LCP2: variants seen among roughly 807,000 people sequenced by gnomAD.
LCP2 encodes the protein lymphocyte cytosolic protein 2.
Under a neutral mutation model 74.5 loss-of-function variants are expected in LCP2, and 29 were observed. The observed-to-expected ratio is 0.39, with a 90% CI of 0.29 to 0.53. LCP2 has a LOEUF of 0.53. Ranked by LOEUF, LCP2 falls within the 20% of genes least tolerant of loss-of-function variation. LCP2 has a pLI of 0.72. For synonymous variants in LCP2, 228 were observed against 229.5 expected, an observed-to-expected ratio of 0.99 and a Z score of 0.06; for missense variants, 604 against 634.6, an observed-to-expected ratio of 0.95 and a Z score of 0.52.
At chr5:170,289,671 T>TTCTTTCTTTCTTTCTC (rs1554141414) in intron 2 of LCP2, among the ~76,000 whole-genome samples, 2 of 84,132 alleles carry the variant, frequency 2.4e-5, no homozygotes, top group Non-Finnish European at 5.2e-5. Context: ...CTTTCTTTCT[T>TTCTTTCTTTCTTTCTC]TCTCTCTCTC....
intron 14 of LCP2, among the ~76,000 whole-genome samples, chr5:170,259,411 G>A (rs978864445): frequency 2.6e-5 from 4 of 152,038 alleles, no homozygotes; most frequent in East Asian, 1.9e-4. Context: ...ATATTTATAC[G>A]GTGGCTTACA....
chr5:170,289,685 CTTTCTTTCTTTCTTTCCT>C (rs1561978476), intron 2 of LCP2, among the ~76,000 whole-genome samples: 22 of 128,796 alleles, frequency 1.7e-4, no homozygotes, highest in African/African-American at 3.8e-4. Context: ...CTCTCTCTCT[CTTTCTTTCTTTCTTTCCT>C]TCTTTCTTTC....
intron 3 of LCP2, among the ~76,000 whole-genome samples, chr5:170,278,581 A>T (rs1288875225): frequency 6.6e-6 from 1 of 151,728 alleles, no homozygotes; most frequent in African/African-American, 2.4e-5. Context: ...TGAAGAGGTG[A>T]CATTTCAGTA....
intron 2 of LCP2, among the ~76,000 whole-genome samples, chr5:170,291,034 A>G (rs1175101594): frequency 2.0e-5 from 3 of 148,124 alleles, no homozygotes; most frequent in African/African-American, 5.1e-5. Context: ...GAGAGAAAGA[A>G]AGAGAGATGG....
intron 3 of LCP2, among the ~76,000 whole-genome samples, chr5:170,283,500 C>T (rs1422526606): frequency 6.6e-6 from 1 of 152,208 alleles, no homozygotes; most frequent in Non-Finnish European, 1.5e-5. Context: ...GGGGAGGCTC[C>T]TAGCTCACTG....
chr5:170,268,921 A>ACACATGCATATATAT (rs1761836419), intron 7 of LCP2, among the ~76,000 whole-genome samples: 1 of 152,062 alleles, frequency 6.6e-6, no homozygotes, highest in Non-Finnish European at 1.5e-5. Flanking sequence ...CTGCATACAC[A>ACACATGCATATATAT]GAGACACGAG....
chr5:170,280,986 A>G (rs1369576645), intron 3 of LCP2, among the ~76,000 whole-genome samples: 2 of 152,198 alleles, frequency 1.3e-5, no homozygotes, highest in Non-Finnish European at 2.9e-5. Context: ...TCTGGGCAAC[A>G]AGAGTGAAAC....
intron 3 of LCP2, among the ~76,000 whole-genome samples, chr5:170,276,950 C>T (rs1167332083): frequency 6.6e-6 from 1 of 151,746 alleles, no homozygotes; most frequent in Non-Finnish European, 1.5e-5. Flanking sequence ...GTGGCACGTG[C>T]CTGTGGTCCC....
chr5:170,288,162 C>T, intron 2 of LCP2, 146 bp from the exon 3 acceptor site: 1 of 749,980 alleles, frequency 1.3e-6, no homozygotes, highest in South Asian at 1.6e-5. Flanking sequence ...CCCACCCTCC[C>T]CAAGTAGGCA....
chr5:170,250,461 A>AT (rs565558369), intron 20 of LCP2, among the ~76,000 whole-genome samples: 1 of 152,206 alleles, frequency 6.6e-6, no homozygotes, highest in Non-Finnish European at 1.5e-5. Flanking sequence ...ATCTAAATAG[A>AT]TTTTTTTAAG....
intron 3 of LCP2, among the ~76,000 whole-genome samples, chr5:170,285,028 G>A (rs1762161374): frequency 6.6e-6 from 1 of 152,190 alleles, no homozygotes; most frequent in Non-Finnish European, 1.5e-5. Flanking sequence ...TGGGATTACA[G>A]GCGTGAGCCA....
At chr5:170,284,768 T>G (rs976978840) in intron 3 of LCP2, among the ~76,000 whole-genome samples, 1 of 147,514 alleles carries the variant, frequency 6.8e-6, no homozygotes, top group Admixed American at 6.7e-5. Flanking sequence ...TTTTTTTTTT[T>G]GAGATGGAGT....
chr5:170,267,059 T>C lies in LCP2; in HGVS notation c.638A>G (p.Gln213Arg). ...TCTGCTGGGTTCTTCGTGGTTGGTC[T>C]GGGGTGGGGGCAGTGGCTGCATAAA... The part of the protein sequence containing the change: ...GRNHSPLPPP[Q>R]TNHEEPSRSR... The change falls in exon 9 of 21, where the codon CAG becomes CGG. Residue 213 changes from glutamine (Q) to arginine (R), a missense_variant. Physicochemically the swap from Gln to Arg is conservative, Grantham distance 43 (BLOSUM62 1). Transcript: ENST00000046794. 2.5e-6 allele frequency: 4 copies of C among 1,613,882 alleles called. No homozygotes were observed. Among genetic ancestry groups the C allele is most frequent in the Non-Finnish European group, 3.4e-6 (4 of 1,179,870 alleles).
intron 3 of LCP2, among the ~76,000 whole-genome samples, chr5:170,284,260 TG>T (rs1483610001): frequency 1.3e-5 from 2 of 152,238 alleles, no homozygotes; most frequent in Admixed American, 6.5e-5. Flanking sequence ...CCTTTCCACT[TG>T]AAGGACTTTT....
intron 3 of LCP2, among the ~76,000 whole-genome samples, chr5:170,278,102 C>T (rs1014498062): frequency 6.6e-6 from 1 of 150,734 alleles, no homozygotes; most frequent in Non-Finnish European, 1.5e-5. Context: ...CCGTTAGTGT[C>T]CTGTGTCCTG....
Position 170,258,042 on chromosome 5 carries a change from T to C in LCP2, c.1095A>G (p.Ser365=). Residue 365 remains serine (S), a synonymous_variant, in exon 16 of 21, where the codon TCA becomes TCG. Transcript: ENST00000046794. ...TTCATGACAGAGCTACAAACCTTTC[T>C]GAGAATGCTCCAGGCATGTGAGAGG... ...LPSSHMPGAF[S]ESNSSFPQSA... The C allele has an allele frequency of 6.2e-7, 1 of 1,613,946 alleles. No individual in the cohort carries two copies. Among genetic ancestry groups the C allele is most frequent in the Non-Finnish European group, 8.5e-7 (1 of 1,179,806 alleles).
At chr5:170,296,460 C>CTA (rs1377340324) in intron 1 of LCP2, among the ~76,000 whole-genome samples, 2 of 152,194 alleles carry the variant, frequency 1.3e-5, no homozygotes, top group Non-Finnish European at 2.9e-5. Context: ...GGAACCTCGT[C>CTA]TACCCTCTTG....
intron 8 of LCP2, among the ~76,000 whole-genome samples, chr5:170,267,857 T>G (rs1761797425): frequency 6.6e-6 from 1 of 152,198 alleles, no homozygotes; most frequent in Non-Finnish European, 1.5e-5. Context: ...TATACATCTG[T>G]AGATAAACTT....
At chr5:170,289,901 A>G (rs1247897874) in intron 2 of LCP2, among the ~76,000 whole-genome samples, 2 of 151,668 alleles carry the variant, frequency 1.3e-5, no homozygotes, top group Non-Finnish European at 2.9e-5. Flanking sequence ...CTGAGCACTG[A>G]GCAGCTGGCC....
Sources: allele counts gnomAD v4.1 joint callset (sites outside exome capture counted in the v4.1 genomes callset), GRCh38; gene constraint gnomAD v4.1.1; transcripts MANE v1.5; gene names NCBI Gene and HGNC (gene_info 2026-07-23, HGNC 2026-07-21).